Variants in DOCK2 observed in about 807,000 individuals in gnomAD.
The protein encoded by DOCK2 is dedicator of cytokinesis 2.
DOCK2 carries 87 observed loss-of-function variants against 248.9 expected under a neutral mutation model. The observed-to-expected ratio is 0.35, with a 90% confidence interval of 0.29 to 0.42. The LOEUF (loss-of-function observed/expected upper bound fraction) is 0.42. DOCK2 is among the 10% of genes least tolerant of loss of function. DOCK2 has a pLI of 1.00. For missense variants in DOCK2, 1,747 were observed against 2,300.2 expected (o/e 0.76, Z 4.92); for synonymous variants, 805 against 821.6 (o/e 0.98, Z 0.35).
At position 169,764,161 on chromosome 5, in the gene DOCK2, C is replaced by T. The variant is rs1231187726; in HGVS notation, c.2554+2536C>T. Among the ~76,000 whole-genome samples, 1 of 152,134 alleles carries T rather than the reference C, an allele frequency of 6.6e-6. No individual in the cohort carries two copies. The highest frequency in any genetic ancestry group is 1.5e-5 in the Non-Finnish European group (1 of 68,032). Reference sequence around the variant, plus strand: ...TCTCCCTGTGAAGTGTCCTGTGCCTCGGGGACGTGATTTGCTTTGAGCCTG... The same window carrying T: ...TCTCCCTGTGAAGTGTCCTGTGCCTTGGGGACGTGATTTGCTTTGAGCCTG... On this transcript the variant is annotated intron_variant, in intron 25 of 51. Coordinates refer to ENST00000520908, the MANE Select transcript of DOCK2 (RefSeq NM_004946.3). The surrounding 1 kb of genome is among the most constrained non-coding windows in gnomAD (Gnocchi z 4.3).
At chr5:169,789,291 T>C (rs1405606240) in intron 25 of DOCK2, among the ~76,000 whole-genome samples, 1 of 152,240 alleles carries the variant, frequency 6.6e-6, no homozygotes, top group African/African-American at 2.4e-5. Context: ...GTCTTTGCAA[T>C]TGTGAATAGT....
chr5:170,034,318 T>G, intron 34 of DOCK2, 81 bp from the exon 35 acceptor site: 1 of 1,543,320 alleles, frequency 6.5e-7, no homozygotes, highest in Non-Finnish European at 8.8e-7. Flanking sequence ...ATTTTGCATG[T>G]GCTCCATCCC....
chr5:169,802,890 G>A (rs957945384), intron 25 of DOCK2, among the ~76,000 whole-genome samples, 168 bp from the exon 26 acceptor site: 5 of 152,186 alleles, frequency 3.3e-5, no homozygotes, highest in Admixed American at 3.3e-4. Flanking sequence ...GACTAGAATT[G>A]TGAATGATGT....
At chr5:170,072,159 G>C (rs1357400827) in intron 46 of DOCK2, among the ~76,000 whole-genome samples, 2 of 152,092 alleles carry the variant, frequency 1.3e-5, no homozygotes, top group Non-Finnish European at 2.9e-5. Context: ...TGATTTGCTT[G>C]GTCATAGCAT....
chr5:169,995,393 A>G (rs1440617917), intron 29 of DOCK2, among the ~76,000 whole-genome samples: 2 of 152,200 alleles, frequency 1.3e-5, no homozygotes, highest in African/African-American at 2.4e-5. Flanking sequence ...GAGGTATTTG[A>G]TATACACAGA....
At chr5:169,690,794 C>T (rs1760253987) in intron 9 of DOCK2, among the ~76,000 whole-genome samples, 2 of 152,152 alleles carry the variant, frequency 1.3e-5, no homozygotes, top group Admixed American at 6.5e-5. Flanking sequence ...ATTTGTGTCA[C>T]ACAGCATTAA....
At position 169,764,495 on chromosome 5, in the gene DOCK2, G is replaced by T. The variant is rs1764655996; in HGVS notation, c.2554+2870G>T. Among the ~76,000 whole-genome samples, 1 of 152,168 alleles carries T rather than the reference G, an allele frequency of 6.6e-6. No homozygotes were observed. The highest frequency in any genetic ancestry group is 6.5e-5 in the Admixed American group (1 of 15,286). Reference sequence around the variant, plus strand: ...ATTTTCTAAACCTCTCTGATTCTCAGTAAGCTCATCTGGAAAGTGGGAATA... The same window carrying T: ...ATTTTCTAAACCTCTCTGATTCTCATTAAGCTCATCTGGAAAGTGGGAATA... On this transcript the variant is annotated intron_variant, in intron 25 of 51. Coordinates refer to ENST00000520908, the MANE Select transcript of DOCK2 (RefSeq NM_004946.3). The surrounding 1 kb of genome is among the most constrained non-coding windows in gnomAD (Gnocchi z 4.3).
chr5:169,680,575 G>A (rs1271123477), intron 6 of DOCK2, among the ~76,000 whole-genome samples: 2 of 152,144 alleles, frequency 1.3e-5, no homozygotes, highest in African/African-American at 4.8e-5. Context: ...TACGGTAGTA[G>A]CTGGGCATGG....
At chr5:169,990,808 T>A (rs1778187536) in intron 29 of DOCK2, among the ~76,000 whole-genome samples, 1 of 152,208 alleles carries the variant, frequency 6.6e-6, no homozygotes, top group Non-Finnish European at 1.5e-5. Flanking sequence ...AGATAGGGCA[T>A]GTCCGCCTCC....
At chr5:169,738,072 G>C (rs1763131915) in intron 22 of DOCK2, among the ~76,000 whole-genome samples, 2 of 152,194 alleles carry the variant, frequency 1.3e-5, no homozygotes, top group African/African-American at 4.8e-5. Flanking sequence ...GACTGAATTA[G>C]AGGACACCAG....
chr5:170,032,281 C>T (rs938985913), intron 34 of DOCK2, among the ~76,000 whole-genome samples: 5 of 152,150 alleles, frequency 3.3e-5, no homozygotes, highest in Non-Finnish European at 7.4e-5. Context: ...CCACCTCGGC[C>T]TCCCAAAGTG....
intron 25 of DOCK2, among the ~76,000 whole-genome samples, chr5:169,774,760 C>T (rs1017190555): frequency 1.3e-5 from 2 of 152,152 alleles, no homozygotes; most frequent in African/African-American, 2.4e-5. Context: ...TGTATTTTTA[C>T]AACTCAGATT....
At chr5:169,953,959 C>A (rs997399854) in intron 27 of DOCK2, among the ~76,000 whole-genome samples, 21 of 152,166 alleles carry the variant, frequency 1.4e-4, no homozygotes, top group African/African-American at 5.1e-4. Flanking sequence ...TAATGCATGG[C>A]AAAGGCTTCA....
At chr5:169,904,802 C>A (rs1774177155) in intron 27 of DOCK2, among the ~76,000 whole-genome samples, 1 of 152,160 alleles carries the variant, frequency 6.6e-6, no homozygotes, top group South Asian at 2.1e-4. Context: ...TTGCTAATCC[C>A]CAAGTCACTC....
At chr5:170,009,893 T>C (rs1755217321) in intron 32 of DOCK2, among the ~76,000 whole-genome samples, 2 of 152,058 alleles carry the variant, frequency 1.3e-5, no homozygotes, top group African/African-American at 4.8e-5. Flanking sequence ...AGGTTGCAGG[T>C]TGGTTCACAA....
At chr5:169,751,879 A>G (rs182660696) in intron 23 of DOCK2, among the ~76,000 whole-genome samples, 1 of 152,316 alleles carries the variant, frequency 6.6e-6, no homozygotes, top group Admixed American at 6.5e-5. Flanking sequence ...AGGAACCACT[A>G]TCCTCAGTGT....
intron 27 of DOCK2, among the ~76,000 whole-genome samples, chr5:169,859,093 T>C (rs910362165): frequency 1.7e-4 from 26 of 151,918 alleles, no homozygotes; most frequent in Non-Finnish European, 3.4e-4. Flanking sequence ...CAGAGGCCAG[T>C]TGAGAAATGA....
intron 27 of DOCK2, among the ~76,000 whole-genome samples, chr5:169,895,167 AC>A (rs1308447121): frequency 2.0e-5 from 3 of 152,174 alleles, no homozygotes; most frequent in African/African-American, 7.2e-5. Flanking sequence ...TGATGGGCTC[AC>A]GGTGTTTGCC....
chr5:169,886,463 C>T (rs980658558), intron 27 of DOCK2, among the ~76,000 whole-genome samples: 8 of 152,204 alleles, frequency 5.3e-5, no homozygotes, highest in African/African-American at 1.9e-4. Context: ...ATCCTTTCTG[C>T]ATCTTCCTCC....
Sources: gnomAD v4.1 joint callset for allele counts (sites outside exome capture counted in the v4.1 genomes callset) on GRCh38, gnomAD v4.1.1 for gene constraint, Gnocchi (gnomAD v3.1) non-coding constraint, MANE v1.5 for transcripts, NCBI Gene and HGNC (gene_info 2026-07-23, HGNC 2026-07-21) for gene names.